The following RBFOX1 variants were observed in gnomAD, a reference collection of about 807,000 sequenced individuals.
RBFOX1 encodes the protein RNA binding fox-1 homolog 1.
RBFOX1 carries 8 observed loss-of-function variants against 57.7 expected under a neutral mutation model. That is an observed-to-expected ratio of 0.14 (90% CI 0.08 to 0.25). The LOEUF is 0.25. RBFOX1 is among the 10% of genes least tolerant of loss of function. RBFOX1 has a pLI of 1.00. For missense variants in RBFOX1, 611 were observed against 548.5 expected, an observed-to-expected ratio of 1.11 and a Z score of -1.14; for synonymous variants, 326 against 222.4, an observed-to-expected ratio of 1.47 and a Z score of -4.15.
At chr16:6,771,018 AG>A (rs2078202937) in intron 3 of RBFOX1, among the ~76,000 whole-genome samples, 1 of 152,136 alleles carries the variant, frequency 6.6e-6, no homozygotes, top group Admixed American at 6.5e-5. Flanking sequence ...GTTTGGAGAC[AG>A]GATCCTTAGG....
intron 2 of RBFOX1, among the ~76,000 whole-genome samples, chr16:6,461,683 C>A (rs1216609835): frequency 6.6e-6 from 1 of 151,938 alleles, no homozygotes; most frequent in Non-Finnish European, 1.5e-5. Flanking sequence ...TGACAGAAAT[C>A]TTTAATGGAA....
At chr16:6,054,604 C>T (rs148127330) in intron 1 of RBFOX1, among the ~76,000 whole-genome samples, 4 of 152,170 alleles carry the variant, frequency 2.6e-5, no homozygotes, top group East Asian at 1.9e-4. Context: ...GAGGTGCAAA[C>T]TGGAGAAAAA....
At chr16:6,108,503 T>A (rs114838021) in intron 1 of RBFOX1, among the ~76,000 whole-genome samples, 2,731 of 152,312 alleles carry the variant, frequency 0.018, 85 homozygotes, top group African/African-American at 0.061. Flanking sequence ...GGCATTATCA[T>A]CATTTCCTTT....
chr16:5,554,986 G>C (rs2045614479), intron 2 of RBFOX1, among the ~76,000 whole-genome samples: 1 of 152,148 alleles, frequency 6.6e-6, no homozygotes, highest in Non-Finnish European at 1.5e-5. Flanking sequence ...AGTCATAGGA[G>C]TGGATGTTTA....
chr16:7,107,634 C>T (rs2063843128), intron 4 of RBFOX1, among the ~76,000 whole-genome samples: 1 of 152,072 alleles, frequency 6.6e-6, no homozygotes, highest in South Asian at 2.1e-4. Flanking sequence ...TTCCGCTCCT[C>T]CCCTTCCACC....
chr16:6,625,327 G>C (rs1001864189), intron 2 of RBFOX1, among the ~76,000 whole-genome samples: 3 of 151,714 alleles, frequency 2.0e-5, no homozygotes, highest in African/African-American at 7.3e-5. Context: ...AAAAAATGTA[G>C]CTAATTTCTT....
rs966467899 is a variant in RBFOX1, at chr16:7,169,382, G to T, written c.27+117284G>T. On this transcript the variant is annotated intron_variant, in intron 4 of 15. Coordinates refer to ENST00000550418, the MANE Select transcript of RBFOX1 (RefSeq NM_018723.4). ...TTGGGTCAGATAATTACTTGTTATG[G>T]GCCAGGGGTTGGGGGATCCACTGTG... is the stretch of plus-strand genomic sequence containing the variant. 2.6e-5 allele frequency among the ~76,000 whole-genome samples: 4 copies of T among 152,272 alleles called. No homozygotes were observed. In the East Asian group the frequency reaches 7.7e-4, roughly 29 times the overall value.
chr16:7,210,436 C>T (rs2090904161), intron 4 of RBFOX1, among the ~76,000 whole-genome samples: 3 of 152,102 alleles, frequency 2.0e-5, no homozygotes, highest in Admixed American at 6.5e-5. Context: ...TTGCACTACA[C>T]TCACCAAGAT....
intron 1 of RBFOX1, among the ~76,000 whole-genome samples, chr16:5,417,504 C>T (rs2067192537): frequency 1.4e-5 from 2 of 142,360 alleles, no homozygotes; most frequent in African/African-American, 2.6e-5. Context: ...GTGCCCCTCA[C>T]CACCGTGTGT....
chr16:6,463,214 C>T (rs530579897), intron 2 of RBFOX1, among the ~76,000 whole-genome samples: 1 of 152,238 alleles, frequency 6.6e-6, no homozygotes, highest in East Asian at 1.9e-4. Flanking sequence ...ATCTAACATG[C>T]ATTATTTTTC....
At chr16:6,819,705 C>CAAAAAAAAAAAAAAAAAA (rs1181614275) in intron 3 of RBFOX1, among the ~76,000 whole-genome samples, 1 of 20,626 alleles carries the variant, frequency 4.8e-5, no homozygotes, top group Non-Finnish European at 8.1e-5. Flanking sequence ...AACTCTGACT[C>CAAAAAAAAAAAAAAAAAA]AAAAAAAAAA....
At chr16:5,562,821 A>G (rs1374658248) in intron 2 of RBFOX1, among the ~76,000 whole-genome samples, 3 of 152,138 alleles carry the variant, frequency 2.0e-5, no homozygotes, top group Non-Finnish European at 4.4e-5. Context: ...ATTTTACAAG[A>G]GGAACTACCT....
chr16:6,598,850 G>A (rs754769447), intron 2 of RBFOX1, among the ~76,000 whole-genome samples: 25 of 152,250 alleles, frequency 1.6e-4, no homozygotes, highest in Middle Eastern at 3.4e-3. Context: ...GGAGGCTGAG[G>A]CAGGAGAATC....
chr16:6,041,542 C>T (rs543378616), intron 1 of RBFOX1, among the ~76,000 whole-genome samples: 7 of 152,190 alleles, frequency 4.6e-5, no homozygotes, highest in South Asian at 2.1e-4. Flanking sequence ...CCACATTTTA[C>T]GGATGAGGAA....
intron 4 of RBFOX1, among the ~76,000 whole-genome samples, chr16:7,344,940 C>T (rs544834973): frequency 1.5e-4 from 23 of 152,192 alleles, no homozygotes; most frequent in African/African-American, 5.5e-4. Flanking sequence ...ATCAGTTTTT[C>T]CCCCACTGTC....
intron 1 of RBFOX1, among the ~76,000 whole-genome samples, chr16:5,455,911 C>G (rs898396190): frequency 3.3e-5 from 5 of 152,220 alleles, no homozygotes; most frequent in Non-Finnish European, 5.9e-5. Flanking sequence ...GGTGGCAATT[C>G]AGAGCATTAA....
At chr16:6,662,483 C>T (rs1283123062) in intron 3 of RBFOX1, among the ~76,000 whole-genome samples, 1 of 151,964 alleles carries the variant, frequency 6.6e-6, no homozygotes, top group African/African-American at 2.4e-5. Flanking sequence ...TTCCTGCAGG[C>T]CGGTATTGTA....
At chr16:6,219,637 G>C (rs2097358830) in intron 1 of RBFOX1, among the ~76,000 whole-genome samples, 1 of 152,098 alleles carries the variant, frequency 6.6e-6, no homozygotes, top group African/African-American at 2.4e-5. Flanking sequence ...CATTTTGGGA[G>C]GCCGAGGTGG....
chr16:5,956,049 G>A (rs777164480), intron 4 of RBFOX1, among the ~76,000 whole-genome samples: 48 of 152,156 alleles, frequency 3.2e-4, no homozygotes, highest in Admixed American at 6.5e-4. Flanking sequence ...ATCACTTGAG[G>A]CCAAGATCAC....
Sources: gnomAD v4.1 joint callset for allele counts (sites outside exome capture counted in the v4.1 genomes callset) on GRCh38, gnomAD v4.1.1 for gene constraint, MANE v1.5 for transcripts, NCBI Gene and HGNC (gene_info 2026-07-23, HGNC 2026-07-21) for gene names.